The following MUTYH variants were observed in gnomAD, a reference collection of about 807,000 sequenced individuals.
MUTYH encodes the protein adenine DNA glycosylase.
A neutral mutation model predicts 72.9 loss-of-function variants in MUTYH; 64 were observed. That is an observed-to-expected ratio of 0.88 (90% CI 0.72 to 1.08). The LOEUF (loss-of-function observed/expected upper bound fraction) is 1.08. Among genes scored for constraint, MUTYH ranks in the 50% least tolerant of loss-of-function variants. The pLI, the probability that MUTYH is intolerant of heterozygous loss-of-function variation, is 0.00. For synonymous variants in MUTYH, 234 were observed against 263.1 expected (o/e 0.89, Z 1.07); for missense variants, 633 against 671.0 (o/e 0.94, Z 0.63).
chr1:45,333,712 T>C (rs898133812), intron 2 of MUTYH, 151 bp from the exon 3 acceptor site: 56 of 1,146,474 alleles, frequency 4.9e-5, no homozygotes, highest in Admixed American at 1.7e-4. Context: ...ACCAGAGTTA[T>C]GTAATTGTGT....
intron 1 of MUTYH, 98 bp from the exon 2 acceptor site, chr1:45,334,609 A>G: frequency 6.5e-7 from 1 of 1,547,774 alleles, no homozygotes; most frequent in Non-Finnish European, 8.9e-7. Context: ...TCCACCATTC[A>G]CATGGGGTCC....
At position 45,334,847 on chromosome 1, in the gene MUTYH, G is replaced by C. The variant is rs1042784193; in HGVS notation, c.-6-336C>G. On this transcript the variant is annotated intron_variant, in intron 1 of 15. Transcript: ENST00000456914. ...CTTACTGTGACTGTGTGTGTGGATA[G>C]GGGTTGTTTAGGTGTGTCTGGGAGA... 3.3e-5 allele frequency among the ~76,000 whole-genome samples: 5 copies of C among 152,174 alleles called. No homozygotes were observed. The South Asian group carries it at 1.0e-3, about 31-fold the overall frequency.
intron 1 of MUTYH, among the ~76,000 whole-genome samples, chr1:45,336,447 G>C (rs1026540536): frequency 1.3e-5 from 2 of 152,194 alleles, no homozygotes; most frequent in African/African-American, 4.8e-5. Flanking sequence ...ATCTACAAAA[G>C]AAGTGAAAAT....
At chr1:45,332,874 T>G in intron 6 of MUTYH, 40 bp from the exon 7 acceptor site, 1 of 1,614,068 alleles carries the variant, frequency 6.2e-7, no homozygotes, top group Non-Finnish European at 8.5e-7. Flanking sequence ...CACCCGTCAG[T>G]CCCTCTATTG....
intron 15 of MUTYH, chr1:45,329,901 CCAAA>C (rs1209938348): frequency 5.8e-6 from 1 of 173,310 alleles, no homozygotes; most frequent in African/African-American, 2.4e-5. Flanking sequence ...GCTGCTTCCT[CCAAA>C]CAGCCTTTCC....
At chr1:45,336,784 G>A (rs897301643) in intron 1 of MUTYH, among the ~76,000 whole-genome samples, 1 of 152,078 alleles carries the variant, frequency 6.6e-6, no homozygotes, top group Non-Finnish European at 1.5e-5. Context: ...ATGGACACAC[G>A]TGAGACACCC....
chr1:45,334,648 C>T, intron 1 of MUTYH, 137 bp from the exon 2 acceptor site: 1 of 1,303,850 alleles, frequency 7.7e-7, no homozygotes, highest in South Asian at 1.2e-5. Flanking sequence ...TCAAGATGCT[C>T]ACGGGTTTAC....
chr1:45,335,198 A>G (rs182293328), intron 1 of MUTYH, among the ~76,000 whole-genome samples: 133 of 152,238 alleles, frequency 8.7e-4, no homozygotes, highest in Non-Finnish European at 1.4e-3. Context: ...TGCCTACTCT[A>G]TGTCAGACCC....
chr1:45,336,016 A>G (rs1325801258), intron 1 of MUTYH, among the ~76,000 whole-genome samples: 1 of 152,122 alleles, frequency 6.6e-6, no homozygotes, highest in Non-Finnish European at 1.5e-5. Flanking sequence ...TCCCAATAAG[A>G]CTAACATGTA....
chr1:45,340,000 G>A (rs1389005723), upstream of MUTYH: 24 of 1,537,464 alleles, frequency 1.6e-5, no homozygotes, highest in African/African-American at 5.5e-5. Context: ...AGCGCGCCCG[G>A]CTTTCCGGCG....
In MUTYH at chr1:45,331,237, C is replaced by T. The variant is rs764276907; in HGVS notation, c.1337G>A (p.Arg446His). ...GTGAAATTCCTCCTGCGTCAGCCAG[C>T]GAGCACCTGGTGGTACGGTGGTCAC... ...TPVTTVPPGA[R>H]WLTQEEFHTA... The change falls in exon 14 of 16, where the codon CGC becomes CAC. Residue 446 changes from arginine (R) to histidine (H), a missense_variant. Physicochemically the swap from Arg to His is conservative, Grantham distance 29. Coordinates refer to ENST00000456914, the MANE Select transcript of MUTYH (RefSeq NM_001048174.2). The T allele has an allele frequency of 1.1e-5, 18 of 1,614,098 alleles. No homozygotes were observed. Among genetic ancestry groups the T allele is most frequent in the Non-Finnish European group, 1.5e-5 (18 of 1,180,048 alleles).
rs756437904 is a variant in MUTYH at position 45,334,489 on chromosome 1, G to T, written c.17C>A (p.Ala6Glu). Residue 6 changes from alanine to glutamate, a missense_variant, in exon 2 of 16, where the codon GCA (alanine) becomes GAA (glutamate). Ala to Glu is a moderately radical substitution (Grantham distance 107). Coordinates refer to ENST00000456914, the MANE Select transcript of MUTYH (RefSeq NM_001048174.2). ...CTTCCTGTGACCACTTCCCACGGCT[G>T]CTCGTGGCTTCCTCATGATGGCCTG... is the stretch of plus-strand genomic sequence containing the variant. MRKPR[A>E]AVGSGHRKQA... The T allele has an allele frequency of 5.6e-6, 9 of 1,614,088 alleles. No homozygotes were observed. In the South Asian group the frequency reaches 9.9e-5, roughly 18 times the overall value.
chr1:45,329,418 A>C lies in MUTYH; in HGVS notation c.1454T>G (p.Val485Gly). 3.1e-6 allele frequency: 5 copies of C among 1,614,106 alleles called. No homozygotes were observed. Among genetic ancestry groups the C allele is most frequent in the Non-Finnish European group, 4.2e-6 (5 of 1,180,010 alleles). Residue 485 changes from valine (V) to glycine (G), a missense_variant, in exon 16 of 16, where the codon GTG becomes GGG. By Grantham distance (109) the Val-to-Gly change is moderately radical. Coordinates refer to ENST00000456914, the MANE Select transcript of MUTYH (RefSeq NM_001048174.2). ...CTTTTTCCGACTGCACGGAGAGGAC[A>C]CCTGGGACCTTTTGGAACCCTGTGA... is the stretch of plus-strand genomic sequence containing the variant. ...GTCMGSKRSQ[V>G]SSPCSRKKPR... is the part of the protein sequence containing the mutation.
chr1:45,331,401 T>G lies in MUTYH; in HGVS notation c.1239+19A>C, dbSNP rs984834839. The G allele has an allele frequency of 6.2e-7, 1 of 1,614,138 alleles. No homozygotes were observed. The highest frequency in any genetic ancestry group is 8.5e-7 in the Non-Finnish European group (1 of 1,180,052). Reference sequence around the variant, plus strand: ...AGCCTCAAAAGCCAACATCCTTGGCTATTCCGCTGCTCACTTACCTCCCCA... The same window carrying G: ...AGCCTCAAAAGCCAACATCCTTGGCGATTCCGCTGCTCACTTACCTCCCCA... On this transcript the variant is annotated intron_variant, in intron 13 of 15. Transcript: ENST00000456914.
upstream of MUTYH, chr1:45,339,982 C>T (rs762127548): frequency 1.3e-6 from 2 of 1,530,750 alleles, no homozygotes; most frequent in South Asian, 2.4e-5. Flanking sequence ...TTACCTCCCG[C>T]GAGCTCTAGC....
At chr1:45,335,031 G>C (rs1019371737) in intron 1 of MUTYH, among the ~76,000 whole-genome samples, 1 of 152,182 alleles carries the variant, frequency 6.6e-6, no homozygotes, top group East Asian at 1.9e-4. Flanking sequence ...AAATCAGTGG[G>C]AGAACAGAGA....
intron 1 of MUTYH, chr1:45,338,481 A>G: frequency 2.8e-6 from 1 of 357,678 alleles, no homozygotes; most frequent in South Asian, 3.2e-5. Context: ...TTATCCTATC[A>G]CATATTTCTG....
Position 45,332,036 on chromosome 1 carries a change from G to A in MUTYH, c.900C>T (p.Asp300=), listed in dbSNP as rs587780752. Residue 300 remains aspartate (D), a synonymous_variant, in exon 11 of 16, where the codon GAC becomes GAT. Coordinates refer to ENST00000456914, the MANE Select transcript of MUTYH (RefSeq NM_001048174.2). ...LASGSLSGSP[D]VEECAPNTGQ... ...TTTGGTGCTCACCACACTCCTCCAC[G>A]TCAGGACTGCCCGACAGGCTCCCTG... is the stretch of plus-strand genomic sequence containing the variant. The A allele has an allele frequency of 1.7e-5, 27 of 1,614,092 alleles. No individual in the cohort carries two copies. Among genetic ancestry groups the A allele is most frequent in the South Asian group, 8.8e-5 (8 of 91,092 alleles).
At chr1:45,333,051 A>G in intron 5 of MUTYH, 46 bp downstream of exon 5, 3 of 1,612,740 alleles carry the variant, frequency 1.9e-6, no homozygotes, top group Non-Finnish European at 2.5e-6. Context: ...AGAGGCTCTC[A>G]TCTGGGGTCT....
Sources: gnomAD v4.1 joint callset for allele counts (sites outside exome capture counted in the v4.1 genomes callset) on GRCh38, gnomAD v4.1.1 for gene constraint, MANE v1.5 for transcripts, NCBI Gene and HGNC (gene_info 2026-07-23, HGNC 2026-07-21) for gene names.